HS3ST2: variants seen among roughly 807,000 people sequenced by gnomAD.
HS3ST2 encodes the protein heparan sulfate-glucosamine 3-sulfotransferase 2.
HS3ST2 carries 17 observed loss-of-function variants against 26.3 expected under a neutral mutation model. That is an observed-to-expected ratio of 0.65 (90% CI 0.44 to 0.97). The LOEUF is 0.97. Among genes scored for constraint, HS3ST2 ranks in the 50% least tolerant of loss-of-function variants. HS3ST2 has a pLI of 0.00. For synonymous variants in HS3ST2, 237 were observed against 219.2 expected (o/e 1.08, Z -0.72); for missense variants, 402 against 501.2 (o/e 0.80, Z 1.89).
At chr16:22,891,772 T>C (rs1426832917) in intron 1 of HS3ST2, among the ~76,000 whole-genome samples, 1 of 152,228 alleles carries the variant, frequency 6.6e-6, no homozygotes, top group African/African-American at 2.4e-5. Context: ...TAATATGTTC[T>C]TATGTATCAT....
chr16:22,857,557 A>C (rs1376822692), intron 1 of HS3ST2, among the ~76,000 whole-genome samples: 1 of 152,252 alleles, frequency 6.6e-6, no homozygotes, highest in Non-Finnish European at 1.5e-5. Flanking sequence ...AGAGCCTGAC[A>C]AATGGAACAA....
intron 1 of HS3ST2, among the ~76,000 whole-genome samples, chr16:22,877,079 G>A (rs1671241192): frequency 6.6e-6 from 1 of 152,084 alleles, no homozygotes; most frequent in Non-Finnish European, 1.5e-5. Context: ...CACCACTAAA[G>A]TACTTATCCA....
chr16:22,862,451 CAT>C (rs1165729756), intron 1 of HS3ST2, among the ~76,000 whole-genome samples: 2 of 152,172 alleles, frequency 1.3e-5, no homozygotes, highest in Non-Finnish European at 2.9e-5. Flanking sequence ...TCAATATAGT[CAT>C]GTTATACCAT....
chr16:22,844,339 T>C (rs1901401051), intron 1 of HS3ST2, among the ~76,000 whole-genome samples: 1 of 152,146 alleles, frequency 6.6e-6, no homozygotes, highest in Non-Finnish European at 1.5e-5. Flanking sequence ...TCCAGAGCCC[T>C]GAATAGAGAC....
chr16:22,850,344 C>G (rs1046884028), intron 1 of HS3ST2, among the ~76,000 whole-genome samples: 1 of 151,888 alleles, frequency 6.6e-6, no homozygotes, highest in Non-Finnish European at 1.5e-5. Flanking sequence ...GTGATATTGC[C>G]CTAAAAAATA....
At chr16:22,880,604 T>A (rs1901976587) in intron 1 of HS3ST2, among the ~76,000 whole-genome samples, 1 of 152,172 alleles carries the variant, frequency 6.6e-6, no homozygotes, top group South Asian at 2.1e-4. Context: ...AAGCCTTTTG[T>A]GCCATGTGGC....
At chr16:22,876,004 TTGTG>T (rs1366399667) in intron 1 of HS3ST2, among the ~76,000 whole-genome samples, 1 of 152,198 alleles carries the variant, frequency 6.6e-6, no homozygotes, top group African/African-American at 2.4e-5. Context: ...ACATCTAGGT[TTGTG>T]TAAGTACATT....
At chr16:22,818,733 C>CTCCCTTCCTTCCTTCCT (rs1555511212) in intron 1 of HS3ST2, among the ~76,000 whole-genome samples, 2 of 17,536 alleles carry the variant, frequency 1.1e-4, no homozygotes, top group Non-Finnish European at 2.2e-4. Context: ...CCCTCCCTCC[C>CTCCCTTCCTTCCTTCCT]TCCTTCCCTT....
At chr16:22,894,260 C>G (rs1819515005) in intron 1 of HS3ST2, among the ~76,000 whole-genome samples, 1 of 152,152 alleles carries the variant, frequency 6.6e-6, no homozygotes, top group Non-Finnish European at 1.5e-5. Context: ...GTGCCTCACC[C>G]CGTTCTTCTC....
At chr16:22,840,563 T>C (rs1326594181) in intron 1 of HS3ST2, among the ~76,000 whole-genome samples, 5 of 152,086 alleles carry the variant, frequency 3.3e-5, no homozygotes, top group Admixed American at 3.3e-4. Context: ...TTTTTACTTT[T>C]AGTAGTGACA....
chr16:22,885,342 A>C (rs542394218), intron 1 of HS3ST2, among the ~76,000 whole-genome samples: 15 of 152,176 alleles, frequency 9.9e-5, no homozygotes, highest in African/African-American at 2.7e-4. Context: ...GGAAAAAAAA[A>C]CAGGAAGAAC....
In HS3ST2 at chr16:22,915,494, C is replaced by T. The variant is rs1336994762; in HGVS notation, c.1036C>T (p.Arg346Ter). 3 of 1,613,758 alleles carry T rather than the reference C, an allele frequency of 1.9e-6. No individual in the cohort carries two copies. The highest frequency in any genetic ancestry group is 2.2e-5 in the East Asian group (1 of 44,874). Residue 346 changes from arginine to a stop codon, truncating the protein, a stop_gained, in exon 2 of 2, where the codon CGA becomes TGA. Transcript: ENST00000261374. LOFTEE classifies it high-confidence loss of function. The stretch of plus-strand genomic sequence containing the variant: ...TGATCCTGAAGTGATAGACCAGCTC[C>T]GAGAATTTTATAGACCGTATAATAT... ...QIDPEVIDQL[R>*]EFYRPYNIKF... is the part of the protein sequence containing the mutation.
In HS3ST2 at chr16:22,903,542, A is replaced by G. The variant is rs1033386034; in HGVS notation, c.486-11402A>G. Among the ~76,000 whole-genome samples, 13 of 152,276 alleles carry G rather than the reference A, an allele frequency of 8.5e-5. No individual in the cohort carries two copies. The East Asian group carries it at 1.9e-3, about 23-fold the overall frequency. ...TGTAGCTGAAAGTAGCTGAAAGTGGATCATAACTGTCACATCTCTATATTG... is the reference window on the plus strand; with the variant it reads ...TGTAGCTGAAAGTAGCTGAAAGTGGGTCATAACTGTCACATCTCTATATTG... On this transcript the variant is annotated intron_variant, in intron 1 of 1. Transcript: ENST00000261374.
At chr16:22,879,731 C>T (rs1292466428) in intron 1 of HS3ST2, among the ~76,000 whole-genome samples, 2 of 152,110 alleles carry the variant, frequency 1.3e-5, no homozygotes, top group Non-Finnish European at 1.5e-5. Flanking sequence ...CTCTGGGGGC[C>T]GCTGGAGTGT....
chr16:22,878,520 G>T (rs999678614), intron 1 of HS3ST2, among the ~76,000 whole-genome samples: 3 of 152,104 alleles, frequency 2.0e-5, no homozygotes, highest in Admixed American at 2.0e-4. Context: ...TGTGATGCAG[G>T]GTTAGTTGGG....
intron 1 of HS3ST2, among the ~76,000 whole-genome samples, chr16:22,892,720 T>A (rs1824103305): frequency 6.6e-6 from 1 of 152,190 alleles, no homozygotes; most frequent in Non-Finnish European, 1.5e-5. Context: ...AATTTAAACT[T>A]ATCTGCAATC....
At chr16:22,821,535 GAT>G (rs1327399733) in intron 1 of HS3ST2, among the ~76,000 whole-genome samples, 2 of 152,036 alleles carry the variant, frequency 1.3e-5, no homozygotes, top group East Asian at 3.9e-4. Context: ...CAGGGCAGGT[GAT>G]AGGGAAGTGG....
chr16:22,829,456 A>C (rs746935922), intron 1 of HS3ST2, among the ~76,000 whole-genome samples: 1 of 152,214 alleles, frequency 6.6e-6, no homozygotes, highest in Admixed American at 6.5e-5. Flanking sequence ...ACATCTCTGC[A>C]TGGCCAGATC....
rs146348364 is a variant in HS3ST2 at position 22,837,410 on chromosome 16, T to C, written c.485+22315T>C. Among the ~76,000 whole-genome samples the C allele has an allele frequency of 4.1e-3, 629 of 151,662 alleles. 3 individuals are homozygous for C. Among genetic ancestry groups the C allele is most frequent in the Non-Finnish European group, 5.7e-3 (387 of 67,912 alleles). ...AGTAGTCATCCCTTATCCAGGGGGA[T>C]ATGTCCCCAGATCCCCAGTGGATGC... On this transcript the variant is annotated intron_variant, in intron 1 of 1. Coordinates refer to ENST00000261374, the MANE Select transcript of HS3ST2 (RefSeq NM_006043.2).
Sources: allele counts gnomAD v4.1 joint callset (sites outside exome capture counted in the v4.1 genomes callset), GRCh38; gene constraint gnomAD v4.1.1; transcripts MANE v1.5; gene names NCBI Gene and HGNC (gene_info 2026-07-23, HGNC 2026-07-21).